Variants in RAN observed in about 807,000 individuals in gnomAD.
RAN encodes the protein RAN, member RAS oncogene family, also known as GTP-binding nuclear protein Ran.
A neutral mutation model predicts 26.8 loss-of-function variants in RAN; 2 were observed. The ratio of observed to expected loss-of-function variants is 0.07; its 90% CI spans 0.03 to 0.23. The LOEUF (loss-of-function observed/expected upper bound fraction) is 0.23, where lower values mean the gene tolerates loss of function less well. Ranked by LOEUF, RAN falls within the 10% of genes least tolerant of loss-of-function variation. The pLI, the probability that RAN is intolerant of heterozygous loss-of-function variation, is 1.00. For synonymous variants in RAN, 132 were observed against 95.9 expected, an observed-to-expected ratio of 1.38 and a Z score of -2.20; for missense variants, 56 against 264.8, an observed-to-expected ratio of 0.21 and a Z score of 5.47.
intron 5 of RAN, among the ~76,000 whole-genome samples, chr12:130,875,188 G>T: frequency 6.6e-6 from 1 of 151,998 alleles, no homozygotes. Flanking sequence ...GGGTTTCACT[G>T]TTGGCCCGGT....
chr12:130,874,173 T>C (rs1390229705), intron 4 of RAN: 12 of 216,534 alleles, frequency 5.5e-5, no homozygotes, highest in Admixed American at 3.9e-4. Flanking sequence ...AAGACAGGAA[T>C]AATGTTTTCC....
At chr12:130,875,558 A>T (rs1380609669) in intron 5 of RAN, 54 bp from the exon 6 acceptor site, 1 of 1,436,090 alleles carries the variant, frequency 7.0e-7, no homozygotes, top group Non-Finnish European at 9.4e-7. Context: ...TCCTAGAAAA[A>T]TCGTCATCTT....
At position 130,876,033 on chromosome 12, in the gene RAN, A is replaced by T; in HGVS notation, c.*107A>T. 8.6e-7 allele frequency: 1 copy of T among 1,157,758 alleles called. No individual in the cohort carries two copies. Among genetic ancestry groups the T allele is most frequent in the Non-Finnish European group, 1.3e-6 (1 of 787,506 alleles). The allele number at this position is 1,157,758 out of a possible 1,614,324, so 71.7% of individuals were successfully genotyped here. ...CCTCATTATTATCTAGCTAAGCGGA[A>T]CATGTGCTTCATCTGTGGGATGCTG... On this transcript the variant is annotated 3_prime_UTR_variant, in exon 7 of 7. Transcript: ENST00000543796.
intron 2 of RAN, 89 bp from the exon 3 acceptor site, chr12:130,872,747 G>C (rs1022148467): frequency 6.3e-7 from 1 of 1,576,618 alleles, no homozygotes; most frequent in Non-Finnish European, 8.7e-7. Context: ...TTTGTTTTAA[G>C]TGAGCCTGTG....
Position 130,875,626 on chromosome 12 carries a change from T to G in RAN, c.450T>G (p.Ser150=). 1.2e-6 allele frequency: 2 copies of G among 1,604,662 alleles called. No homozygotes were observed. Among genetic ancestry groups the G allele is most frequent in the Non-Finnish European group, 8.5e-7 (1 of 1,177,106 alleles). ...RKKNLQYYDI[S]AKSNYNFEKP... is the part of the protein sequence containing the mutation. ...CTTTTAAACAGTACTACGACATTTC[T>G]GCCAAAAGTAACTACAACTTTGAAA... Residue 150 remains serine (S), a synonymous_variant, in exon 6 of 7, where the codon TCT becomes TCG. Coordinates refer to ENST00000543796, the MANE Select transcript of RAN (RefSeq NM_006325.5).
chr12:130,874,814 A>T (rs1953208013), intron 5 of RAN, 81 bp downstream of exon 5: 1 of 1,189,242 alleles, frequency 8.4e-7, no homozygotes, highest in Admixed American at 2.4e-5. Flanking sequence ...AGTGTCTATT[A>T]TATATGGAAA....
At position 130,875,904 on chromosome 12, in the gene RAN, C is replaced by T. The variant is rs1391548625; in HGVS notation, c.629C>T (p.Pro210Leu). The change falls in exon 7 of 7, where the codon CCG (proline) becomes CTG (leucine). Residue 210 changes from proline (P) to leucine (L), a missense_variant. Physicochemically the swap from Pro to Leu is moderately conservative, Grantham distance 98 (BLOSUM62 -3). This residue lies in a region of RAN where 39 missense variants were observed against 248.7 expected (regional missense o/e 0.16). Coordinates refer to ENST00000543796, the MANE Select transcript of RAN (RefSeq NM_006325.5). ...TAGGTTGCTCAGACAACTGCTCTCC[C>T]GGATGAGGATGATGACCTGTGAGAA... ...DLEVAQTTAL[P>L]DEDDDL 6.2e-7 allele frequency: 1 copy of T among 1,614,144 alleles called. No homozygotes were observed. Among genetic ancestry groups the T allele is most frequent in the Admixed American group, 1.7e-5 (1 of 60,002 alleles).
intron 4 of RAN, 101 bp from the exon 5 acceptor site, chr12:130,874,445 A>G: frequency 1.1e-6 from 1 of 883,384 alleles, no homozygotes; most frequent in Non-Finnish European, 1.7e-6. Flanking sequence ...TGACTCGTTG[A>G]GGTCTAAGAC....
At chr12:130,873,200 T>G in intron 4 of RAN, 72 bp downstream of exon 4, 1 of 1,579,648 alleles carries the variant, frequency 6.3e-7, no homozygotes, top group East Asian at 2.3e-5. Context: ...TTATAGAAAA[T>G]CAGGTCTGTT....
At chr12:130,874,424 A>G (rs564937953) in intron 4 of RAN, 122 bp from the exon 5 acceptor site, 9 of 674,424 alleles carry the variant, frequency 1.3e-5, no homozygotes, top group South Asian at 9.0e-5. Flanking sequence ...AAGTGAGGGG[A>G]GAGATACAGG....
intron 1 of RAN, 182 bp from the exon 2 acceptor site, chr12:130,872,402 G>T (rs1593218790): frequency 5.8e-6 from 1 of 172,628 alleles, no homozygotes. Flanking sequence ...CCGTTCCCCG[G>T]GCCCCGCCGC....
At chr12:130,872,418 A>C (rs899074661) in intron 1 of RAN, 166 bp from the exon 2 acceptor site, 3 of 199,646 alleles carry the variant, frequency 1.5e-5, no homozygotes, top group African/African-American at 7.1e-5. Flanking sequence ...GCCGCCCCGG[A>C]TGCCGGCCCC....
chr12:130,872,649 G>A lies in RAN; in HGVS notation c.36+20G>A. ...TTCAAAGTAGGTAACCCTGCGGGGC[G>A]GGAGGCGGCCGAGCCCGACCGCGTG... On this transcript the variant is annotated intron_variant, in intron 2 of 6. Coordinates refer to ENST00000543796, the MANE Select transcript of RAN (RefSeq NM_006325.5). The A allele has an allele frequency of 6.6e-7, 1 of 1,522,932 alleles. No individual in the cohort carries two copies. Among genetic ancestry groups the A allele is most frequent in the Non-Finnish European group, 8.8e-7 (1 of 1,138,744 alleles). 94.3% of individuals were successfully genotyped at this position (1,522,932 alleles called of 1,614,324 possible). A position where few individuals can be genotyped will look rare whatever the true frequency, so the allele number is the denominator to read the frequency against.
Position 130,874,748 on chromosome 12 carries a change from A to G in RAN, c.435+15A>G, listed in dbSNP as rs1565955317. On this transcript the variant is annotated intron_variant, in intron 5 of 6. Coordinates refer to ENST00000543796, the MANE Select transcript of RAN (RefSeq NM_006325.5). The stretch of plus-strand genomic sequence containing the variant: ...AGAATCTTCAGGTGTGTAAAATTAA[A>G]ACTTCCTGAGTTATTTCTCTTAGCG... 6.3e-7 allele frequency: 1 copy of G among 1,599,048 alleles called. No individual in the cohort carries two copies. The highest frequency in any genetic ancestry group is 8.6e-7 in the Non-Finnish European group (1 of 1,168,628).
At position 130,876,872 on chromosome 12, in the gene RAN, G is replaced by C. The variant is rs1239068691; in HGVS notation, c.*946G>C. On this transcript the variant is annotated 3_prime_UTR_variant, in exon 7 of 7. Coordinates refer to ENST00000543796, the MANE Select transcript of RAN (RefSeq NM_006325.5). Reference sequence around the variant, plus strand: ...TCAGGTACTCCTAGACTTTAAAGATGTCTTGAACATTTAAGTTCTTCAGCA... The same window carrying C: ...TCAGGTACTCCTAGACTTTAAAGATCTCTTGAACATTTAAGTTCTTCAGCA... The C allele has an allele frequency of 6.6e-6, 1 of 152,076 alleles. No homozygotes were observed. The highest frequency in any genetic ancestry group is 2.1e-4 in the South Asian group (1 of 4,828). The allele number at this position is 152,076 out of a possible 1,614,324, so 9.4% of individuals were successfully genotyped here.
intron 1 of RAN, 84 bp from the exon 2 acceptor site, chr12:130,872,500 C>T (rs1444484071): frequency 2.8e-6 from 3 of 1,063,182 alleles, no homozygotes; most frequent in Non-Finnish European, 3.6e-6. Context: ...GGGGCGGGCA[C>T]GTGGGGCGCT....
intron 4 of RAN, 106 bp from the exon 5 acceptor site, chr12:130,874,440 C>T (rs1425480028): frequency 1.3e-5 from 11 of 823,562 alleles, no homozygotes; most frequent in Non-Finnish European, 1.9e-5. Context: ...ACAGGTGACT[C>T]GTTGAGGTCT....
intron 5 of RAN, among the ~76,000 whole-genome samples, chr12:130,875,239 C>A (rs1032334676): frequency 6.6e-6 from 1 of 152,094 alleles, no homozygotes; most frequent in African/African-American, 2.4e-5. Context: ...ATTTGTTGTT[C>A]GAGACAGGGT....
Position 130,874,845 on chromosome 12 carries a change from C to A in RAN, c.435+112C>A, listed in dbSNP as rs79644464. The A allele has an allele frequency of 1.7e-3, 1,629 of 937,124 alleles. 11 individuals carry two copies. The African/African-American group carries it at 0.025, about 15-fold the overall frequency. The allele number at this position is 937,124 out of a possible 1,614,324, so 58.1% of individuals were successfully genotyped here. A position where few individuals can be genotyped will look rare whatever the true frequency, so the allele number is the denominator to read the frequency against. On this transcript the variant is annotated intron_variant, in intron 5 of 6. Transcript: ENST00000543796. ...GGAAATGATTTTTTTTTCCCCAAGACGGAGTCTTCCTCTGTCCCCCATGCT... is the reference window on the plus strand; with the variant it reads ...GGAAATGATTTTTTTTTCCCCAAGAAGGAGTCTTCCTCTGTCCCCCATGCT...
Sources: gnomAD v4.1 joint callset for allele counts (sites outside exome capture counted in the v4.1 genomes callset) on GRCh38, gnomAD v4.1.1 for gene constraint, gnomAD v4.1.1 regional missense constraint, MANE v1.5 for transcripts, NCBI Gene and HGNC (gene_info 2026-07-23, HGNC 2026-07-21) for gene names.